The following KLHL18 variants were observed in gnomAD, a reference collection of about 807,000 sequenced individuals.
The protein encoded by KLHL18 is kelch like family member 18.
KLHL18 carries 38 observed loss-of-function variants against 58.5 expected under a neutral mutation model. The observed-to-expected ratio is 0.65, with a 90% confidence interval of 0.50 to 0.85. The LOEUF (loss-of-function observed/expected upper bound fraction) is 0.85, where lower values mean the gene tolerates loss of function less well. Ranked by LOEUF, KLHL18 falls within the 40% of genes least tolerant of loss-of-function variation. The pLI is 0.00. For synonymous variants in KLHL18, 303 were observed against 301.9 expected, an observed-to-expected ratio of 1.00 and a Z score of -0.04; for missense variants, 624 against 778.4, an observed-to-expected ratio of 0.80 and a Z score of 2.36.
In KLHL18 at chr3:47,344,158, T is replaced by C; in HGVS notation, c.*217T>C. 3 of 573,390 alleles carry C rather than the reference T, an allele frequency of 5.2e-6. No homozygotes were observed. The South Asian group carries it at 7.2e-5, about 14-fold the overall frequency. The allele number at this position is 573,390 out of a possible 1,614,324, so 35.5% of individuals were successfully genotyped here. A position where few individuals can be genotyped will look rare whatever the true frequency, so the allele number is the denominator to read the frequency against. ...AAGATGCACAGCATGGAACACAAGC[T>C]CCTCTGGATCCTGCAGCTGGTGACA... On this transcript the variant is annotated 3_prime_UTR_variant, in exon 10 of 10. Transcript: ENST00000232766.
chr3:47,343,931 T>C lies in KLHL18; in HGVS notation c.1715T>C (p.Leu572Pro). ...GGVGVGCIPL[L>P]TI Reference sequence around the variant, plus strand: ...GTCGGTGTGGGCTGCATCCCTCTCCTCACCATCTAAGGCAGAGGATGGGAT... The same window carrying C: ...GTCGGTGTGGGCTGCATCCCTCTCCCCACCATCTAAGGCAGAGGATGGGAT... Residue 572 changes from leucine to proline, a missense_variant, in exon 10 of 10, where the codon CTC becomes CCC. Transcript: ENST00000232766. 2 of 1,613,416 alleles carry C rather than the reference T, an allele frequency of 1.2e-6. No individual in the cohort carries two copies. Among genetic ancestry groups the C allele is most frequent in the Non-Finnish European group, 1.7e-6 (2 of 1,179,946 alleles).
intron 1 of KLHL18, among the ~76,000 whole-genome samples, chr3:47,315,952 A>C (rs1703411963): frequency 6.6e-6 from 1 of 152,208 alleles, no homozygotes; most frequent in Non-Finnish European, 1.5e-5. Flanking sequence ...AACCTACAAC[A>C]CAGAAAGATT....
chr3:47,340,497 TG>T (rs1052578095), intron 7 of KLHL18, 74 bp from the exon 8 acceptor site: 1 of 1,605,766 alleles, frequency 6.2e-7, no homozygotes, highest in African/African-American at 1.3e-5. Context: ...TTGATAGGTT[TG>T]TTTCTCAGTG....
At chr3:47,322,421 G>A in intron 2 of KLHL18, 147 bp from the exon 3 acceptor site, 2 of 611,654 alleles carry the variant, frequency 3.3e-6, no homozygotes, top group Non-Finnish European at 4.8e-6. Flanking sequence ...GGTAGAATGA[G>A]TTTTAGGCTG....
At chr3:47,337,890 G>T (rs1424930270) in intron 7 of KLHL18, 2 of 152,204 alleles carry the variant, frequency 1.3e-5, no homozygotes, top group Non-Finnish European at 2.9e-5. Context: ...TGCTTTGACT[G>T]CAGTCAGCTG....
Position 47,336,618 on chromosome 3 carries a change from C to T in KLHL18, c.982C>T (p.Arg328Cys), listed in dbSNP as rs1576183928. The change falls in exon 7 of 10, where the codon CGC becomes TGC. Residue 328 changes from arginine to cysteine, a missense_variant. By Grantham distance (180) the Arg-to-Cys change is radical. Transcript: ENST00000232766. ...RCRPMTTARSRVGVAVVNGLL... is the reference protein window; with the variant it reads ...RCRPMTTARSCVGVAVVNGLL... ...CCGTCCCATGACAACAGCCCGCAGC[C>T]GCGTTGGCGTGGCTGTGGTGAACGG... The T allele has an allele frequency of 6.2e-7, 1 of 1,614,206 alleles. No homozygotes were observed. Among genetic ancestry groups the T allele is most frequent in the Non-Finnish European group, 8.5e-7 (1 of 1,180,040 alleles).
At chr3:47,306,160 A>G (rs114739403) in intron 1 of KLHL18, among the ~76,000 whole-genome samples, 1 of 151,816 alleles carries the variant, frequency 6.6e-6, no homozygotes, top group African/African-American at 2.4e-5. Flanking sequence ...AGACTTTTCT[A>G]ATGTAAGCAT....
chr3:47,327,175 G>T (rs1421529524), intron 3 of KLHL18, among the ~76,000 whole-genome samples: 1 of 152,122 alleles, frequency 6.6e-6, no homozygotes, highest in Non-Finnish European at 1.5e-5. Context: ...GGAGGCAGAG[G>T]TTGCAGTGAG....
intron 2 of KLHL18, among the ~76,000 whole-genome samples, chr3:47,322,261 A>G (rs1246063125): frequency 6.6e-6 from 1 of 152,246 alleles, no homozygotes; most frequent in East Asian, 1.9e-4. Context: ...TAAGTATTTT[A>G]TGATTATATC....
At chr3:47,339,282 C>G (rs1237170912) in intron 7 of KLHL18, among the ~76,000 whole-genome samples, 1 of 151,744 alleles carries the variant, frequency 6.6e-6, no homozygotes, top group Non-Finnish European at 1.5e-5. Context: ...ATTGCTGGAG[C>G]CCAGGAGTTT....
In KLHL18 at chr3:47,333,144, A is replaced by T. The variant is rs1171798984; in HGVS notation, c.601-13A>T. ...GGGAGGATTTGCTGCCAGAACATCC[A>T]CTCTCATGACAGGTCTTTGAAGCTG... On this transcript the variant is annotated splice_polypyrimidine_tract_variant and intron_variant, in intron 4 of 9. Transcript: ENST00000232766. The T allele has an allele frequency of 6.2e-7, 1 of 1,609,330 alleles. No individual in the cohort carries two copies. The highest frequency in any genetic ancestry group is 1.1e-5 in the South Asian group (1 of 90,536).
intron 1 of KLHL18, among the ~76,000 whole-genome samples, chr3:47,312,497 G>A (rs1244980312): frequency 4.6e-5 from 7 of 152,072 alleles, no homozygotes; most frequent in Non-Finnish European, 5.9e-5. Context: ...TGAAAAAATT[G>A]TGTGGCACCA....
At chr3:47,296,123 A>C (rs1250616912) in intron 1 of KLHL18, among the ~76,000 whole-genome samples, 3 of 152,160 alleles carry the variant, frequency 2.0e-5, no homozygotes, top group African/African-American at 7.2e-5. Flanking sequence ...CCCCAGACCT[A>C]CTGAACTAGA....
intron 4 of KLHL18, among the ~76,000 whole-genome samples, chr3:47,331,006 A>G (rs1438374852): frequency 6.6e-6 from 1 of 152,148 alleles, no homozygotes; most frequent in East Asian, 1.9e-4. Context: ...TGCTGGGTTT[A>G]CAGGCGTGAG....
At chr3:47,312,905 A>ATTTTT (rs35710141) in intron 1 of KLHL18, among the ~76,000 whole-genome samples, 3 of 117,874 alleles carry the variant, frequency 2.5e-5, no homozygotes, top group Non-Finnish European at 5.4e-5. Context: ...ATACCTTTTA[A>ATTTTT]TTTTTTTTTT....
intron 1 of KLHL18, among the ~76,000 whole-genome samples, chr3:47,310,030 A>G (rs1246675554): frequency 1.3e-5 from 2 of 152,084 alleles, no homozygotes; most frequent in African/African-American, 2.4e-5. Flanking sequence ...TTAATGCCTT[A>G]TGTATATTCA....
intron 1 of KLHL18, among the ~76,000 whole-genome samples, chr3:47,312,704 G>A (rs986793890): frequency 6.6e-6 from 1 of 151,844 alleles, no homozygotes; most frequent in African/African-American, 2.4e-5. Context: ...TCTCCCATTC[G>A]CTTTGTGCTC....
intron 8 of KLHL18, among the ~76,000 whole-genome samples, chr3:47,341,451 T>G (rs1559506112): frequency 1.3e-5 from 2 of 152,134 alleles, no homozygotes; most frequent in African/African-American, 4.8e-5. Context: ...CATCCTACCC[T>G]GGAGGCCTGT....
At chr3:47,340,900 C>G (rs1704095782) in intron 8 of KLHL18, among the ~76,000 whole-genome samples, 3 of 151,870 alleles carry the variant, frequency 2.0e-5, no homozygotes, top group African/African-American at 7.3e-5. Context: ...CTTGGAAATA[C>G]TTATTTAATG....
Sources: allele counts gnomAD v4.1 joint callset (sites outside exome capture counted in the v4.1 genomes callset), GRCh38; gene constraint gnomAD v4.1.1; transcripts MANE v1.5; gene names NCBI Gene and HGNC (gene_info 2026-07-23, HGNC 2026-07-21).